MYOG: variants seen among roughly 807,000 people sequenced by gnomAD.
The protein encoded by MYOG is class C basic helix-loop-helix protein 3.
Under a neutral mutation model 17.7 loss-of-function variants are expected in MYOG, and 6 were observed. The ratio of observed to expected loss-of-function variants is 0.34; its 90% CI spans 0.19 to 0.67. MYOG has a LOEUF of 0.67. Among genes scored for constraint, MYOG ranks in the 30% least tolerant of loss-of-function variants. The pLI, the probability that MYOG is intolerant of heterozygous loss-of-function variation, is 0.69. For synonymous variants in MYOG, 125 were observed against 130.2 expected (o/e 0.96, Z 0.27); for missense variants, 272 against 302.0 (o/e 0.90, Z 0.74).
intron 2 of MYOG, among the ~76,000 whole-genome samples, 191 bp from the exon 3 acceptor site, chr1:203,084,222 GTGTGTGTGTGTA>G (rs1260947534): frequency 6.6e-6 from 1 of 151,578 alleles, no homozygotes; most frequent in Non-Finnish European, 1.5e-5. Flanking sequence ...GTGTGTGTGT[GTGTGTGTGTGTA>G]TGCGCCTCTT....
chr1:203,083,707 C>A lies in MYOG; in HGVS notation c.*203G>T. On this transcript the variant is annotated 3_prime_UTR_variant, in exon 3 of 3. Coordinates refer to ENST00000241651, the MANE Select transcript of MYOG (RefSeq NM_002479.6). ...GGGGATGCCCTCTCCTCTAAGGAGG[C>A]AGCTGAATGAGGGCGTCCAGTCCCT... 1.4e-6 allele frequency: 1 copy of A among 732,740 alleles called. No individual in the cohort carries two copies. The highest frequency in any genetic ancestry group is 2.2e-6 in the Non-Finnish European group (1 of 455,132). 45.4% of individuals were successfully genotyped at this position (732,740 alleles called of 1,614,324 possible).
chr1:203,085,390 C>T lies in MYOG; in HGVS notation c.471+101G>A, dbSNP rs1321830532. On this transcript the variant is annotated intron_variant, in intron 1 of 2. Coordinates refer to ENST00000241651, the MANE Select transcript of MYOG (RefSeq NM_002479.6). ...TGCAGCCCCTCGACCCTGTCTGGCA[C>T]CTGCACCAACCCTCTGAGCCCCTCT... 13 of 1,138,994 alleles carry T rather than the reference C, an allele frequency of 1.1e-5. No individual in the cohort carries two copies. In the African/African-American group the frequency reaches 1.6e-4, roughly 14 times the overall value. 70.6% of individuals were successfully genotyped at this position (1,138,994 alleles called of 1,614,324 possible). A position where few individuals can be genotyped will look rare whatever the true frequency, so the allele number is the denominator to read the frequency against.
Position 203,085,561 on chromosome 1 carries a change from G to A in MYOG, c.401C>T (p.Ala134Val), listed in dbSNP as rs774752282. 1 of 1,614,078 alleles carries A rather than the reference G, an allele frequency of 6.2e-7. No individual in the cohort carries two copies. Among genetic ancestry groups the A allele is most frequent in the African/African-American group, 1.3e-5 (1 of 74,944 alleles). The change falls in exon 1 of 3, where the codon GCC becomes GTC. Residue 134 changes from alanine to valine, a missense_variant. Coordinates refer to ENST00000241651, the MANE Select transcript of MYOG (RefSeq NM_002479.6). ...SAIQYIERLQ[A>V]LLSSLNQEER... Reference sequence around the variant, plus strand: ...CTCCTGGTTGAGGGAGCTGAGCAGGGCCTGGAGGCGCTCGATGTACTGGAT... The same window carrying A: ...CTCCTGGTTGAGGGAGCTGAGCAGGACCTGGAGGCGCTCGATGTACTGGAT...
Position 203,085,741 on chromosome 1 carries a change from T to C in MYOG, c.221A>G (p.Lys74Arg). 2 of 1,614,070 alleles carry C rather than the reference T, an allele frequency of 1.2e-6. No individual in the cohort carries two copies. Among genetic ancestry groups the C allele is most frequent in the Non-Finnish European group, 1.7e-6 (2 of 1,179,988 alleles). Residue 74 changes from lysine (K) to arginine (R), a missense_variant, in exon 1 of 3, where the codon AAG becomes AGG. Coordinates refer to ENST00000241651, the MANE Select transcript of MYOG (RefSeq NM_002479.6). ...QCLPWACKVC[K>R]RKSVSVDRRR... Reference sequence around the variant, plus strand: ...CCGGTCCACGGACACCGACTTCCTCTTACACACCTTACACGCCCACGGCAG... The same window carrying C: ...CCGGTCCACGGACACCGACTTCCTCCTACACACCTTACACGCCCACGGCAG...
Position 203,083,146 on chromosome 1 carries a change from T to C in MYOG, c.*764A>G, listed in dbSNP as rs902576079. 6.8e-6 allele frequency: 1 copy of C among 147,396 alleles called. No homozygotes were observed. The highest frequency in any genetic ancestry group is 6.8e-5 in the Admixed American group (1 of 14,742). The allele number at this position is 147,396 out of a possible 1,614,324, so 9.1% of individuals were successfully genotyped here. ...CGACACTCTTCTGGCAACCAGTCTT[T>C]ATTCATTTTTTAAAAAAGGAAATCC... On this transcript the variant is annotated 3_prime_UTR_variant, in exon 3 of 3. Transcript: ENST00000241651.
At chr1:203,084,824 T>G in intron 1 of MYOG, 96 bp from the exon 2 acceptor site, 1 of 1,302,466 alleles carries the variant, frequency 7.7e-7, no homozygotes, top group South Asian at 1.3e-5. Flanking sequence ...TGTGGTGGGG[T>G]TGGAGGGTGG....
Position 203,084,000 on chromosome 1 carries a change from G to C in MYOG, c.585C>G (p.Ala195=). ...DHLLTADPTD[A]HNLHSLTSIV... The stretch of plus-strand genomic sequence containing the variant: ...TGGAGGTGAGGGAGTGCAGGTTGTG[G>C]GCATCTGTAGGGTCAGCCGTGAGCA... Residue 195 remains alanine, a synonymous_variant, in exon 3 of 3, where the codon GCC becomes GCG. Transcript: ENST00000241651. 4 of 1,596,102 alleles carry C rather than the reference G, an allele frequency of 2.5e-6. No homozygotes were observed. Among genetic ancestry groups the C allele is most frequent in the Non-Finnish European group, 3.4e-6 (4 of 1,171,086 alleles).
At chr1:203,084,603 G>A in intron 2 of MYOG, 44 bp downstream of exon 2, 1 of 1,519,184 alleles carries the variant, frequency 6.6e-7, no homozygotes, top group Non-Finnish European at 9.1e-7. Flanking sequence ...CCCAGGGAGG[G>A]ACTGAGGGAT....
rs145683011 is a variant in MYOG, at chr1:203,084,140, A to G, written c.554-109T>C. The G allele has an allele frequency of 4.6e-3, 6,373 of 1,393,350 alleles. 39 individuals are homozygous for G. The highest frequency in any genetic ancestry group is 0.018 in the South Asian group (1,328 of 75,816). The allele number at this position is 1,393,350 out of a possible 1,614,324, so 86.3% of individuals were successfully genotyped here. ...GACAGAGGTTTTCCAGGACAGATGA[A>G]TGACAAAGCTCCGGAGTTCTACTCC... On this transcript the variant is annotated intron_variant, in intron 2 of 2. Transcript: ENST00000241651.
At position 203,085,845 on chromosome 1, in the gene MYOG, C is replaced by G. The variant is rs1653609927; in HGVS notation, c.117G>C (p.Glu39Asp). ...CTGGGGCCTCGGGGCTCAGGGTGAG[C>G]TCCGTCCGCTCGTAGCCTGGTGGTT... Reference protein sequence around the residue: ...GFEPPGYERTELTLSPEAPGP... With the variant: ...GFEPPGYERTDLTLSPEAPGP... The change falls in exon 1 of 3, where the codon GAG becomes GAC. Residue 39 changes from glutamate (E) to aspartate (D), a missense_variant. By Grantham distance (45) the Glu-to-Asp change is conservative (BLOSUM62 2). Coordinates refer to ENST00000241651, the MANE Select transcript of MYOG (RefSeq NM_002479.6). 1 of 1,614,036 alleles carries G rather than the reference C, an allele frequency of 6.2e-7. No homozygotes were observed. Among genetic ancestry groups the G allele is most frequent in the East Asian group, 2.2e-5 (1 of 44,848 alleles).
At chr1:203,085,266 C>T (rs1653590609) in intron 1 of MYOG, among the ~76,000 whole-genome samples, 1 of 152,220 alleles carries the variant, frequency 6.6e-6, no homozygotes, top group South Asian at 2.1e-4. Flanking sequence ...CACCCCAACC[C>T]CTTCTGCACT....
intron 1 of MYOG, 114 bp from the exon 2 acceptor site, chr1:203,084,842 G>C: frequency 3.7e-6 from 4 of 1,069,116 alleles, no homozygotes; most frequent in Non-Finnish European, 5.5e-6. Context: ...TGGGCCACAG[G>C]CTGTGGCCTT....
rs1206736785 is a variant in MYOG, at chr1:203,083,558, C to G, written c.*352G>C. 3 of 519,362 alleles carry G rather than the reference C, an allele frequency of 5.8e-6. No homozygotes were observed. The highest frequency in any genetic ancestry group is 1.0e-5 in the Non-Finnish European group (3 of 294,078). 32.2% of individuals were successfully genotyped at this position (519,362 alleles called of 1,614,324 possible). A position where few individuals can be genotyped will look rare whatever the true frequency, so the allele number is the denominator to read the frequency against. ...AGGTCAGGGCACTGCGTCTCTCAAA[C>G]CGTTTCACTTGGGGGGTGGAATTAG... On this transcript the variant is annotated 3_prime_UTR_variant, in exon 3 of 3. Transcript: ENST00000241651.
chr1:203,083,690 C>T lies in MYOG; in HGVS notation c.*220G>A, dbSNP rs916695114. The T allele has an allele frequency of 3.0e-6, 2 of 659,800 alleles. No individual in the cohort carries two copies. Among genetic ancestry groups the T allele is most frequent in the African/African-American group, 1.8e-5 (1 of 55,172 alleles). The allele number at this position is 659,800 out of a possible 1,614,324, so 40.9% of individuals were successfully genotyped here. A position where few individuals can be genotyped will look rare whatever the true frequency, so the allele number is the denominator to read the frequency against. ...CTTTACCTCCCTGGAAAGGGGATGC[C>T]CTCTCCTCTAAGGAGGCAGCTGAAT... On this transcript the variant is annotated 3_prime_UTR_variant, in exon 3 of 3. Coordinates refer to ENST00000241651, the MANE Select transcript of MYOG (RefSeq NM_002479.6).
At position 203,085,968 on chromosome 1, in the gene MYOG, G is replaced by A. The variant is rs1401673903; in HGVS notation, c.-7C>T. 35 of 1,541,498 alleles carry A rather than the reference G, an allele frequency of 2.3e-5. No individual in the cohort carries two copies. Among genetic ancestry groups the A allele is most frequent in the Non-Finnish European group, 2.5e-5 (29 of 1,143,806 alleles). On this transcript the variant is annotated 5_prime_UTR_variant, in exon 1 of 3. Transcript: ENST00000241651. ...ATGTCTCATACAGCTCCATGGGGTC[G>A]GAAAAGGCTTGTTCCTGCCACCAGC...
At chr1:203,084,318 T>C (rs1222477712) in intron 2 of MYOG, among the ~76,000 whole-genome samples, 1 of 151,746 alleles carries the variant, frequency 6.6e-6, no homozygotes, top group Non-Finnish European at 1.5e-5. Flanking sequence ...CCCCAGAGAC[T>C]GGACCTGCCC....
rs903356 is a variant in MYOG, at chr1:203,084,640, T to C, written c.553+7A>G. 0.96 allele frequency: 1,549,779 copies of C among 1,607,534 alleles called. 747,299 individuals are homozygous for C. The highest frequency in any genetic ancestry group is 0.99 in the African/African-American group (74,400 of 74,884). On this transcript the variant is annotated splice_region_variant and intron_variant, in intron 2 of 2. Coordinates refer to ENST00000241651, the MANE Select transcript of MYOG (RefSeq NM_002479.6). ...GGAGCCAAGGTTACCAGTCAGGCCTTACTTACCCCCTGGGTTGGCGCTGAA... is the reference window on the plus strand; with the variant it reads ...GGAGCCAAGGTTACCAGTCAGGCCTCACTTACCCCCTGGGTTGGCGCTGAA...
rs775573113 is a variant in MYOG, at chr1:203,083,988, G to A, written c.597C>T (p.His199=). 4 of 1,594,594 alleles carry A rather than the reference G, an allele frequency of 2.5e-6. No homozygotes were observed. The African/African-American group carries it at 5.3e-5, about 21-fold the overall frequency. ...TADPTDAHNL[H]SLTSIVDSIT... is the part of the protein sequence containing the mutation. ...TGCTGTCCACGATGGAGGTGAGGGA[G>A]TGCAGGTTGTGGGCATCTGTAGGGT... Residue 199 remains histidine, a synonymous_variant, in exon 3 of 3, where the codon CAC becomes CAT. Transcript: ENST00000241651.
chr1:203,085,855 T>C lies in MYOG; in HGVS notation c.107A>G (p.Glu36Gly), dbSNP rs375922574. The change falls in exon 1 of 3, where the codon GAG (glutamate) becomes GGG (glycine). Residue 36 changes from glutamate to glycine, a missense_variant. Transcript: ENST00000241651. ...GGGGCTCAGGGTGAGCTCCGTCCGC[T>C]CGTAGCCTGGTGGTTCGAAGCCCTG... Reference protein sequence around the residue: ...HLQGFEPPGYERTELTLSPEA... With the variant: ...HLQGFEPPGYGRTELTLSPEA... 1.2e-6 allele frequency: 2 copies of C among 1,613,822 alleles called. No individual in the cohort carries two copies. The highest frequency in any genetic ancestry group is 2.2e-5 in the East Asian group (1 of 44,868).
Sources: gnomAD v4.1 joint callset for allele counts (sites outside exome capture counted in the v4.1 genomes callset) on GRCh38, gnomAD v4.1.1 for gene constraint, MANE v1.5 for transcripts, NCBI Gene and HGNC (gene_info 2026-07-23, HGNC 2026-07-21) for gene names.